The following XRRA1 variants were observed in gnomAD, a reference collection of about 807,000 sequenced individuals.
The protein encoded by XRRA1 is X-ray radiation resistance-associated protein 1.
In XRRA1, 69 loss-of-function variants were observed where a neutral mutation model predicts 80.2. That is an observed-to-expected ratio of 0.86 (90% CI 0.71 to 1.05). XRRA1 has a LOEUF of 1.05. XRRA1 is among the 50% of genes least tolerant of loss of function. The probability of loss-of-function intolerance (pLI) is 0.00; values close to 1 mark genes in which losing one functional copy is unlikely to be tolerated. For synonymous variants in XRRA1, 348 were observed against 389.9 expected, an observed-to-expected ratio of 0.89 and a Z score of 1.27; for missense variants, 967 against 976.4, an observed-to-expected ratio of 0.99 and a Z score of 0.13.
chr11:74,901,746 G>A (rs1247091791), intron 10 of XRRA1, among the ~76,000 whole-genome samples: 1 of 152,124 alleles, frequency 6.6e-6, no homozygotes, highest in Admixed American at 6.6e-5. Context: ...ATATGCAGAA[G>A]AATTAAACTT....
At chr11:74,921,713 A>T (rs929662633) in intron 7 of XRRA1, among the ~76,000 whole-genome samples, 37 of 152,088 alleles carry the variant, frequency 2.4e-4, no homozygotes, top group African/African-American at 7.5e-4. Flanking sequence ...AAACCTTCTC[A>T]ATTCCCCAGA....
Position 74,881,364 on chromosome 11 carries a change from C to T in XRRA1, c.1004-18343G>A, listed in dbSNP as rs1228123173. 6.6e-5 allele frequency among the ~76,000 whole-genome samples: 10 copies of T among 151,444 alleles called. No homozygotes were observed. In the East Asian group the frequency reaches 1.7e-3, roughly 26 times the overall value. ...TTTTGAGCCTATGTGCGTCTCTGCA[C>T]ATGAGATGGGTTTCCTGAATACAGC... On this transcript the variant is annotated intron_variant, in intron 10 of 18. Transcript: ENST00000684022.
intron 8 of XRRA1, among the ~76,000 whole-genome samples, chr11:74,917,154 C>A (rs1044173697): frequency 9.9e-5 from 15 of 152,130 alleles, no homozygotes; most frequent in East Asian, 5.8e-4. Flanking sequence ...TGAGAAGTAG[C>A]AATCAGTGAT....
chr11:74,935,693 G>C (rs1188618989), intron 4 of XRRA1, among the ~76,000 whole-genome samples: 2 of 152,162 alleles, frequency 1.3e-5, no homozygotes, highest in Non-Finnish European at 2.9e-5. Flanking sequence ...TCTGTTTTGG[G>C]ATTTGGAGTA....
At chr11:74,857,151 G>A (rs2041297220) in intron 12 of XRRA1, among the ~76,000 whole-genome samples, 2 of 152,102 alleles carry the variant, frequency 1.3e-5, no homozygotes, top group South Asian at 4.2e-4. Flanking sequence ...CTTCTCTGAG[G>A]TGCAGGCACT....
At chr11:74,946,774 C>T (rs1351021690) in intron 1 of XRRA1, among the ~76,000 whole-genome samples, 2 of 147,662 alleles carry the variant, frequency 1.4e-5, no homozygotes, top group Admixed American at 6.8e-5. Flanking sequence ...TTTTTTGAGA[C>T]GGAGTCTTGC....
chr11:74,902,628 A>G (rs1003314834), intron 10 of XRRA1, among the ~76,000 whole-genome samples: 5 of 152,198 alleles, frequency 3.3e-5, no homozygotes, highest in African/African-American at 1.2e-4. Flanking sequence ...ACGTGGATGG[A>G]ACTGGAGGTC....
chr11:74,848,323 G>A lies in XRRA1; in HGVS notation c.1520C>T (p.Thr507Ile). ...LAEDLPTTKSTSVESEMPTEN... is the reference protein window; with the variant it reads ...LAEDLPTTKSISVESEMPTEN... ...AGTGGGCATCTCTGACTCCACAGAA[G>A]TGCTTTTGGTAGTGGGCAGATCTTC... The change falls in exon 15 of 19, where the codon ACT becomes ATT. Residue 507 changes from threonine to isoleucine, a missense_variant. By Grantham distance (89) the Thr-to-Ile change is moderately conservative (BLOSUM62 -1). Transcript: ENST00000684022. 6.2e-7 allele frequency: 1 copy of A among 1,613,980 alleles called. No individual in the cohort carries two copies. Among genetic ancestry groups the A allele is most frequent in the Non-Finnish European group, 8.5e-7 (1 of 1,179,872 alleles).
Position 74,898,450 on chromosome 11 carries a change from A to G in XRRA1, c.1003+7789T>C, listed in dbSNP as rs1337468316. ...TAAATGTAAATAACTAAACTCTCCAATAAAGACAAGGTAGCTAAATGGATG... is the reference window on the plus strand; with the variant it reads ...TAAATGTAAATAACTAAACTCTCCAGTAAAGACAAGGTAGCTAAATGGATG... On this transcript the variant is annotated intron_variant, in intron 10 of 18. Transcript: ENST00000684022. Among the ~76,000 whole-genome samples the G allele has an allele frequency of 2.0e-5, 3 of 152,134 alleles. No individual in the cohort carries two copies. The East Asian group carries it at 5.8e-4, about 29-fold the overall frequency.
intron 10 of XRRA1, among the ~76,000 whole-genome samples, chr11:74,901,123 C>T (rs564247610): frequency 6.6e-6 from 1 of 152,214 alleles, no homozygotes; most frequent in East Asian, 1.9e-4. Context: ...TCGAAGTCAA[C>T]ATACAAAATT....
At chr11:74,914,326 G>A (rs1346963805) in intron 8 of XRRA1, among the ~76,000 whole-genome samples, 1 of 152,164 alleles carries the variant, frequency 6.6e-6, no homozygotes, top group African/African-American at 2.4e-5. Context: ...ATTTGGTGCT[G>A]TTCTAACTCA....
At chr11:74,849,197 A>G (rs1221096171) in intron 14 of XRRA1, among the ~76,000 whole-genome samples, 8 of 152,046 alleles carry the variant, frequency 5.3e-5, no homozygotes, top group Non-Finnish European at 7.4e-5. Flanking sequence ...GTTCACTTAT[A>G]TCTGTACTTT....
intron 10 of XRRA1, among the ~76,000 whole-genome samples, chr11:74,866,411 G>A (rs73492799): frequency 0.13 from 19,650 of 151,904 alleles, 1,449 homozygotes; most frequent in Middle Eastern, 0.27. Context: ...GCACCACCAT[G>A]CCTGGTTAAT....
intron 10 of XRRA1, among the ~76,000 whole-genome samples, chr11:74,865,136 T>C (rs1008372051): frequency 3.6e-4 from 54 of 151,284 alleles, no homozygotes; most frequent in African/African-American, 1.2e-3. Context: ...TCTTCCCATA[T>C]CAAATCCCAG....
rs1435003567 is a variant in XRRA1 at position 74,841,224 on chromosome 11, C to T, written c.*1976G>A. The T allele has an allele frequency of 1.3e-5, 2 of 152,122 alleles. No homozygotes were observed. The highest frequency in any genetic ancestry group is 2.9e-5 in the Non-Finnish European group (2 of 68,018). 9.4% of individuals were successfully genotyped at this position (152,122 alleles called of 1,614,324 possible). On this transcript the variant is annotated 3_prime_UTR_variant, in exon 19 of 19. Coordinates refer to ENST00000684022, the MANE Select transcript of XRRA1 (RefSeq NM_001378157.1). ...TCAGGCAGCCTTTTCCTCATCAACC[C>T]ATAGAGTGGTCTTTTGAACTGGTAT...
At position 74,930,361 on chromosome 11, in the gene XRRA1, A is replaced by T. The variant is rs1943227082; in HGVS notation, c.363T>A (p.Asn121Lys). The change falls in exon 6 of 19, where the codon AAT (asparagine) becomes AAA (lysine). Residue 121 changes from asparagine to lysine, a missense_variant. Coordinates refer to ENST00000684022, the MANE Select transcript of XRRA1 (RefSeq NM_001378157.1). ...SGLKFSKAKE[N>K]DFKHFHSVIY... ...TCACAGAATGAAAATGCTTGAAGTC[A>T]TTTTCCTTGGCCTGTAGGAAAGCAT... 1 of 1,560,046 alleles carries T rather than the reference A, an allele frequency of 6.4e-7. No individual in the cohort carries two copies. Among genetic ancestry groups the T allele is most frequent in the Non-Finnish European group, 8.7e-7 (1 of 1,151,238 alleles).
chr11:74,869,404 G>T (rs1256100693), intron 10 of XRRA1, among the ~76,000 whole-genome samples: 3 of 152,120 alleles, frequency 2.0e-5, no homozygotes, highest in Non-Finnish European at 4.4e-5. Context: ...AGCAGCCCAA[G>T]AAATTATTTT....
intron 10 of XRRA1, among the ~76,000 whole-genome samples, chr11:74,878,644 GGT>G (rs1181827509): frequency 1.3e-5 from 2 of 148,844 alleles, no homozygotes; most frequent in Non-Finnish European, 3.0e-5. Flanking sequence ...TTTTGTATAA[GGT>G]GTAAGGAAGG....
chr11:74,869,074 C>A (rs535847821), intron 10 of XRRA1, among the ~76,000 whole-genome samples: 22 of 152,164 alleles, frequency 1.4e-4, no homozygotes, highest in Admixed American at 7.2e-4. Flanking sequence ...GGCACATATT[C>A]TAAAGTCAAC....
Sources: allele counts gnomAD v4.1 joint callset (sites outside exome capture counted in the v4.1 genomes callset), GRCh38; gene constraint gnomAD v4.1.1; transcripts MANE v1.5; gene names NCBI Gene and HGNC (gene_info 2026-07-23, HGNC 2026-07-21).